NRG1: variants seen among roughly 807,000 people sequenced by gnomAD.
NRG1 encodes neuregulin 1.
A neutral mutation model predicts 63.8 loss-of-function variants in NRG1; 18 were observed. That is an observed-to-expected ratio of 0.28 (90% CI 0.19 to 0.42). The LOEUF is 0.42. Among genes scored for constraint, NRG1 ranks in the 10% least tolerant of loss-of-function variants. The pLI is 1.00. For missense variants in NRG1, 762 were observed against 814.7 expected, an observed-to-expected ratio of 0.94 and a Z score of 0.79; for synonymous variants, 302 against 301.3, an observed-to-expected ratio of 1.00 and a Z score of -0.02.
intron 1 of NRG1, among the ~76,000 whole-genome samples, chr8:32,013,454 G>A (rs1271089208): frequency 6.6e-6 from 1 of 152,102 alleles, no homozygotes; most frequent in Non-Finnish European, 1.5e-5. Context: ...AACTGGCATG[G>A]ATGGGACTGA....
At chr8:32,648,937 A>G (rs1432030923) in intron 5 of NRG1, among the ~76,000 whole-genome samples, 1 of 152,146 alleles carries the variant, frequency 6.6e-6, no homozygotes, top group African/African-American at 2.4e-5. Flanking sequence ...GTCTTAAGAC[A>G]TTTACGGTGC....
At chr8:32,095,812 GA>G (rs1385177037) in intron 1 of NRG1, among the ~76,000 whole-genome samples, 4 of 152,132 alleles carry the variant, frequency 2.6e-5, no homozygotes, top group African/African-American at 9.7e-5. Flanking sequence ...TGTTTTTAAA[GA>G]AGGAAAAATA....
chr8:32,337,681 A>G (rs1294521686), intron 1 of NRG1, among the ~76,000 whole-genome samples: 11 of 121,050 alleles, frequency 9.1e-5, no homozygotes, highest in Non-Finnish European at 1.8e-4. Context: ...AAAAAAAAAA[A>G]AGCTGATGCA....
At chr8:32,157,638 C>A (rs546235399) in intron 1 of NRG1, among the ~76,000 whole-genome samples, 1 of 150,154 alleles carries the variant, frequency 6.7e-6, no homozygotes, top group South Asian at 2.1e-4. Context: ...TGGAGTGAAA[C>A]TCCATCTCAA....
chr8:32,704,790 T>A (rs76783947), intron 5 of NRG1, among the ~76,000 whole-genome samples: 2,655 of 152,288 alleles, frequency 0.017, 86 homozygotes, highest in African/African-American at 0.06. Context: ...GCAAACAAAA[T>A]TATATTTATC....
chr8:32,732,799 C>CTTTTTTTTTTTTTTTTTTTTTTT (rs1173388613), intron 6 of NRG1, among the ~76,000 whole-genome samples: 1 of 83,344 alleles, frequency 1.2e-5, no homozygotes, highest in Admixed American at 1.7e-4. Context: ...TGTTTAATTT[C>CTTTTTTTTTTTTTTTTTTTTTTT]TTTTTTTTTT....
intron 1 of NRG1, among the ~76,000 whole-genome samples, chr8:32,344,362 C>CTT (rs766565757): frequency 0.029 from 1,741 of 60,814 alleles, 64 homozygotes; most frequent in Middle Eastern, 0.042. Flanking sequence ...TTCTTTCTTT[C>CTT]TTTCTTTCTT....
intron 1 of NRG1, among the ~76,000 whole-genome samples, chr8:31,858,542 G>A (rs2129610108): frequency 6.6e-6 from 1 of 152,240 alleles, no homozygotes; most frequent in Admixed American, 6.5e-5. Flanking sequence ...TATGACAACT[G>A]GTGATGACCA....
chr8:32,260,514 AT>A (rs1850246881), intron 1 of NRG1, among the ~76,000 whole-genome samples: 1 of 152,024 alleles, frequency 6.6e-6, no homozygotes, highest in South Asian at 2.1e-4. Flanking sequence ...TCCTTTCCCT[AT>A]CCCCACTTAT....
intron 1 of NRG1, among the ~76,000 whole-genome samples, chr8:32,015,425 G>C (rs952995581): frequency 6.6e-6 from 1 of 152,082 alleles, no homozygotes. Flanking sequence ...TATTACAAAG[G>C]AAATAGCATT....
At chr8:32,468,718 T>C (rs1434856036) in intron 1 of NRG1, among the ~76,000 whole-genome samples, 1 of 94,648 alleles carries the variant, frequency 1.1e-5, no homozygotes, top group Non-Finnish European at 2.0e-5. Flanking sequence ...AATTTAACAT[T>C]ACAGTTTTTT....
At chr8:32,060,336 G>A (rs1336390571) in intron 1 of NRG1, among the ~76,000 whole-genome samples, 1 of 151,576 alleles carries the variant, frequency 6.6e-6, no homozygotes, top group African/African-American at 2.4e-5. Context: ...TGAGAACTGT[G>A]GGAATAGAGG....
chr8:32,694,496 T>C (rs931464438), intron 5 of NRG1, among the ~76,000 whole-genome samples: 1 of 152,230 alleles, frequency 6.6e-6, no homozygotes, highest in Non-Finnish European at 1.5e-5. Context: ...TGGTGCTCGA[T>C]CAGTTCCTTG....
intron 1 of NRG1, among the ~76,000 whole-genome samples, chr8:32,356,156 G>T (rs1296212318): frequency 4.6e-5 from 7 of 152,260 alleles, no homozygotes; most frequent in Non-Finnish European, 8.8e-5. Context: ...AGAAATGCTT[G>T]CTTGATTAAT....
At chr8:31,652,847 G>C (rs1221778055) in intron 1 of NRG1, among the ~76,000 whole-genome samples, 1 of 151,798 alleles carries the variant, frequency 6.6e-6, no homozygotes. Flanking sequence ...TTCTTTCTTT[G>C]CTTTTCCTTT....
At chr8:32,173,605 G>A (rs1020763456) in intron 1 of NRG1, among the ~76,000 whole-genome samples, 2 of 152,138 alleles carry the variant, frequency 1.3e-5, no homozygotes, top group African/African-American at 4.8e-5. Context: ...CATCTCACGT[G>A]CAGAGACACA....
intron 11 of NRG1, chr8:32,763,297 C>G: frequency 6.2e-7 from 1 of 1,614,018 alleles, no homozygotes; most frequent in Non-Finnish European, 8.5e-7. Context: ...AGCAACTCAT[C>G]TTAGATCTTC....
chr8:31,793,311 T>G (rs1410873475), intron 1 of NRG1, among the ~76,000 whole-genome samples: 2 of 152,208 alleles, frequency 1.3e-5, no homozygotes, highest in Non-Finnish European at 2.9e-5. Context: ...TAAACAGGAT[T>G]GGAAGTCCTT....
At chr8:32,103,852 C>T (rs988745466) in intron 1 of NRG1, among the ~76,000 whole-genome samples, 36 of 152,026 alleles carry the variant, frequency 2.4e-4, no homozygotes, top group African/African-American at 8.7e-4. Context: ...GGGTTGGAGG[C>T]GCAGGGCATC....
Sources: allele counts gnomAD v4.1 joint callset (sites outside exome capture counted in the v4.1 genomes callset), GRCh38; gene constraint gnomAD v4.1.1; transcripts MANE v1.5; gene names NCBI Gene and HGNC (gene_info 2026-07-23, HGNC 2026-07-21).